LAMA2: variants seen among roughly 807,000 people sequenced by gnomAD.
The protein encoded by LAMA2 is laminin subunit alpha 2.
In LAMA2, 269 loss-of-function variants were observed where a neutral mutation model predicts 364.8. The ratio of observed to expected loss-of-function variants is 0.74; its 90% CI spans 0.67 to 0.82. The LOEUF is 0.82. Among genes scored for constraint, LAMA2 ranks in the 40% least tolerant of loss-of-function variants. The pLI is 0.00. For missense variants in LAMA2, 3,807 were observed against 3,873.2 expected (o/e 0.98, Z 0.45); for synonymous variants, 1,379 against 1,370.6 (o/e 1.01, Z -0.14).
intron 1 of LAMA2, among the ~76,000 whole-genome samples, chr6:128,989,359 C>G (rs1783461811): frequency 6.6e-6 from 1 of 152,152 alleles, no homozygotes; most frequent in South Asian, 2.1e-4. Context: ...ATCATGCATG[C>G]TCCTCACATA....
At chr6:129,021,372 C>T (rs1231424180) in intron 1 of LAMA2, among the ~76,000 whole-genome samples, 1 of 152,120 alleles carries the variant, frequency 6.6e-6, no homozygotes, top group Non-Finnish European at 1.5e-5. Context: ...TATTCTGATG[C>T]TAAAATTAGC....
At chr6:129,100,768 G>C (rs1206400233) in intron 4 of LAMA2, among the ~76,000 whole-genome samples, 1 of 152,200 alleles carries the variant, frequency 6.6e-6, no homozygotes, top group African/African-American at 2.4e-5. Context: ...GGAATTAGAA[G>C]ACCTGGATTC....
chr6:129,007,098 C>T (rs1784491936), intron 1 of LAMA2, among the ~76,000 whole-genome samples: 1 of 152,168 alleles, frequency 6.6e-6, no homozygotes, highest in Non-Finnish European at 1.5e-5. Flanking sequence ...CCCATCGTGG[C>T]TCCTGAGTAG....
chr6:128,923,477 C>T (rs1778879243), intron 1 of LAMA2, among the ~76,000 whole-genome samples: 2 of 149,826 alleles, frequency 1.3e-5, no homozygotes, highest in Admixed American at 6.7e-5. Flanking sequence ...TGTTTTAAGC[C>T]ACCTAGTTTG....
chr6:129,206,128 G>C (rs1027410036), intron 12 of LAMA2, among the ~76,000 whole-genome samples: 2 of 128,086 alleles, frequency 1.6e-5, no homozygotes, highest in Admixed American at 1.5e-4. Flanking sequence ...AAGGAAGGAA[G>C]GAAGGAAGGA....
intron 1 of LAMA2, among the ~76,000 whole-genome samples, chr6:128,974,853 A>AT (rs34727721): frequency 0.098 from 13,962 of 143,066 alleles, 698 homozygotes; most frequent in Admixed American, 0.17. Flanking sequence ...ATGAGTAACA[A>AT]TTTTTTTTTT....
chr6:129,098,028 A>G (rs1478614086), intron 3 of LAMA2, 145 bp from the exon 4 acceptor site: 1 of 969,760 alleles, frequency 1.0e-6, no homozygotes, highest in Non-Finnish European at 1.6e-6. Context: ...TGAACCTGTA[A>G]TAGTAAAATC....
intron 1 of LAMA2, among the ~76,000 whole-genome samples, chr6:128,958,338 T>C (rs1460054905): frequency 6.6e-6 from 1 of 152,150 alleles, no homozygotes; most frequent in East Asian, 1.9e-4. Flanking sequence ...GTTTAATATA[T>C]TTTTATCTAT....
chr6:129,128,435 T>A (rs1376684732), intron 4 of LAMA2, among the ~76,000 whole-genome samples: 2 of 152,208 alleles, frequency 1.3e-5, no homozygotes, highest in Non-Finnish European at 2.9e-5. Context: ...TAGTGTGATA[T>A]CTTTATTTTT....
intron 51 of LAMA2, among the ~76,000 whole-genome samples, chr6:129,470,451 T>C (rs575218167): frequency 4.4e-4 from 67 of 152,008 alleles, no homozygotes; most frequent in African/African-American, 1.5e-3. Flanking sequence ...TTTGCCCAGA[T>C]GGCTAAAACC....
chr6:129,349,338 C>T lies in LAMA2; in HGVS notation c.4477C>T (p.Arg1493Cys), dbSNP rs751053800. The change falls in exon 31 of 65, where the codon CGC (arginine) becomes TGC (cysteine). Residue 1493 changes from arginine to cysteine, a missense_variant. Physicochemically the swap from Arg to Cys is radical, Grantham distance 180 (BLOSUM62 -3). This residue lies in a region of LAMA2 where 3,333 missense variants were observed against 3,345.7 expected (regional missense o/e 1.00). Transcript: ENST00000421865. ...TGTCGCAGAAGGACTTGACGACTAC[C>T]GCTGCACGGCTTGTCCACGGGGATA... ...SCVAEGLDDYRCTACPRGYEG... is the reference protein window; with the variant it reads ...SCVAEGLDDYCCTACPRGYEG... 2.4e-5 allele frequency: 39 copies of T among 1,613,454 alleles called. No homozygotes were observed. In the South Asian group the frequency reaches 3.2e-4, roughly 13 times the overall value.
Position 129,282,196 on chromosome 6 carries a change from G to A in LAMA2, c.2537+2049G>A, listed in dbSNP as rs79204351. 4.3e-3 allele frequency among the ~76,000 whole-genome samples: 651 copies of A among 152,314 alleles called. 3 individuals are homozygous for A. Among genetic ancestry groups the A allele is most frequent in the Admixed American group, 8.4e-3 (129 of 15,294 alleles). On this transcript the variant is annotated intron_variant, in intron 18 of 64. Coordinates refer to ENST00000421865, the MANE Select transcript of LAMA2 (RefSeq NM_000426.4). Reference sequence around the variant, plus strand: ...GAGTTTGGGAAGCATCCATTTGCATGTTAAAAGTTCTGGCATGTCCTACAG... The same window carrying A: ...GAGTTTGGGAAGCATCCATTTGCATATTAAAAGTTCTGGCATGTCCTACAG...
At chr6:129,086,548 G>A (rs1181736228) in intron 3 of LAMA2, among the ~76,000 whole-genome samples, 1 of 152,218 alleles carries the variant, frequency 6.6e-6, no homozygotes, top group African/African-American at 2.4e-5. Flanking sequence ...AAATTCAGAT[G>A]TAGAAAATAT....
intron 52 of LAMA2, among the ~76,000 whole-genome samples, chr6:129,475,055 A>G (rs1265968648): frequency 6.6e-6 from 1 of 152,162 alleles, no homozygotes; most frequent in Non-Finnish European, 1.5e-5. Context: ...AATATTTATA[A>G]GCCATTCATG....
At chr6:129,357,982 C>G (rs778471241) in intron 32 of LAMA2, among the ~76,000 whole-genome samples, 5 of 151,902 alleles carry the variant, frequency 3.3e-5, no homozygotes, top group Non-Finnish European at 5.9e-5. Context: ...TGTTGTACCC[C>G]CTAAATGTCA....
chr6:129,354,601 C>T (rs1394312810), intron 32 of LAMA2, among the ~76,000 whole-genome samples: 2 of 151,988 alleles, frequency 1.3e-5, no homozygotes, highest in African/African-American at 4.8e-5. Flanking sequence ...TATAGATATT[C>T]TTAATGTAAA....
chr6:129,144,162 T>C (rs1778294242), intron 5 of LAMA2, 82 bp downstream of exon 5: 2 of 1,134,624 alleles, frequency 1.8e-6, no homozygotes, highest in African/African-American at 1.5e-5. Context: ...AAAAATGTTT[T>C]CAGTGATTTG....
At chr6:129,451,481 C>T (rs1291051374) in intron 45 of LAMA2, among the ~76,000 whole-genome samples, 1 of 152,142 alleles carries the variant, frequency 6.6e-6, no homozygotes, top group African/African-American at 2.4e-5. Flanking sequence ...GGCCACCACA[C>T]TCAGGCCTCC....
At chr6:129,027,514 G>A (rs1785909222) in intron 1 of LAMA2, among the ~76,000 whole-genome samples, 1 of 151,922 alleles carries the variant, frequency 6.6e-6, no homozygotes, top group East Asian at 1.9e-4. Context: ...TTCAGAAGAA[G>A]TATACAACAT....
Sources: gnomAD v4.1 joint callset for allele counts (sites outside exome capture counted in the v4.1 genomes callset) on GRCh38, gnomAD v4.1.1 for gene constraint, gnomAD v4.1.1 regional missense constraint, MANE v1.5 for transcripts, NCBI Gene and HGNC (gene_info 2026-07-23, HGNC 2026-07-21) for gene names.